Variants in PYGB observed in about 807,000 individuals in gnomAD.
The protein encoded by PYGB is glycogen phosphorylase B, also known as glycogen phosphorylase, brain form.
In PYGB, 82 loss-of-function variants were observed where a neutral mutation model predicts 94.3. That is an observed-to-expected ratio of 0.87 (90% CI 0.73 to 1.04). The LOEUF (loss-of-function observed/expected upper bound fraction) is 1.04. Ranked by LOEUF, PYGB falls within the 50% of genes least tolerant of loss-of-function variation. The pLI, the probability that PYGB is intolerant of heterozygous loss-of-function variation, is 0.00. For missense variants in PYGB, 1,132 were observed against 1,158.2 expected (o/e 0.98, Z 0.33); for synonymous variants, 488 against 479.1 (o/e 1.02, Z -0.24).
intron 1 of PYGB, among the ~76,000 whole-genome samples, chr20:25,257,826 A>G (rs866108867): frequency 6.6e-6 from 1 of 152,204 alleles, no homozygotes. Context: ...GCACTGGTTA[A>G]TAAACCCTGC....
chr20:25,254,766 C>T (rs1378310213), intron 1 of PYGB, among the ~76,000 whole-genome samples: 5 of 152,176 alleles, frequency 3.3e-5, no homozygotes, highest in African/African-American at 4.8e-5. Context: ...AGGCTCCCAT[C>T]GCTTTCTGGC....
intron 2 of PYGB, among the ~76,000 whole-genome samples, chr20:25,268,157 A>ACACCCCC (rs1568687505): frequency 3.5e-5 from 1 of 28,330 alleles, no homozygotes; most frequent in African/African-American, 1.6e-4. Flanking sequence ...AAATCCTAGC[A>ACACCCCC]CCCGCCCCCC....
Position 25,294,189 on chromosome 20 carries a change from C to A in PYGB, c.2209C>A (p.Pro737Thr), listed in dbSNP as rs748938112. ...YNAREYYDHL[P>T]ELKQAVDQIS... is the part of the protein sequence containing the mutation. The stretch of plus-strand genomic sequence containing the variant: ...TGCCAGGGAGTACTACGACCACCTG[C>A]CCGAGCTGAAGCAGGCCGTGGACCA... The change falls in exon 18 of 20, where the codon CCC becomes ACC. Residue 737 changes from proline to threonine, a missense_variant. By Grantham distance (38) the Pro-to-Thr change is conservative (BLOSUM62 -1). Coordinates refer to ENST00000216962, the MANE Select transcript of PYGB (RefSeq NM_002862.4). 1 of 1,613,956 alleles carries A rather than the reference C, an allele frequency of 6.2e-7. No homozygotes were observed. The highest frequency in any genetic ancestry group is 1.1e-5 in the South Asian group (1 of 91,090).
chr20:25,279,348 G>T (rs929670639), intron 9 of PYGB, among the ~76,000 whole-genome samples, 199 bp downstream of exon 9: 3 of 152,080 alleles, frequency 2.0e-5, no homozygotes, highest in African/African-American at 7.2e-5. Context: ...TGGGGTCAGG[G>T]CGCGGGGGAG....
chr20:25,273,995 G>A (rs1315419841), intron 4 of PYGB, among the ~76,000 whole-genome samples: 2 of 152,196 alleles, frequency 1.3e-5, no homozygotes, highest in Non-Finnish European at 2.9e-5. Flanking sequence ...CTGTAGGCGT[G>A]AGCCTCCGCC....
chr20:25,295,600 C>G lies in PYGB; in HGVS notation c.2313-4C>G. On this transcript the variant is annotated splice_polypyrimidine_tract_variant and splice_region_variant and intron_variant, in intron 18 of 19. Transcript: ENST00000216962. ...CTGGCCCAGCCTCCTTTCTCCCATT[C>G]CAGGTTCAAGGTGTTTGCAGACTAT... 6.2e-7 allele frequency: 1 copy of G among 1,613,626 alleles called. No homozygotes were observed. The highest frequency in any genetic ancestry group is 8.5e-7 in the Non-Finnish European group (1 of 1,179,694).
At chr20:25,265,063 T>C (rs1193862808) in intron 2 of PYGB, among the ~76,000 whole-genome samples, 3 of 152,232 alleles carry the variant, frequency 2.0e-5, no homozygotes, top group Non-Finnish European at 4.4e-5. Flanking sequence ...AGCATGGTAC[T>C]GGTACCAAAA....
intron 1 of PYGB, among the ~76,000 whole-genome samples, chr20:25,257,963 C>T (rs2092905904): frequency 6.6e-6 from 1 of 152,178 alleles, no homozygotes; most frequent in African/African-American, 2.4e-5. Context: ...CACAAGAGGC[C>T]TGACTGTGAG....
intron 15 of PYGB, 182 bp downstream of exon 15, chr20:25,288,665 A>G: frequency 1.5e-6 from 1 of 689,090 alleles, no homozygotes; most frequent in Non-Finnish European, 2.4e-6. Flanking sequence ...ATGGGATGGA[A>G]GCCTCCTGCC....
chr20:25,253,318 C>G (rs977697268), intron 1 of PYGB, among the ~76,000 whole-genome samples: 3 of 152,204 alleles, frequency 2.0e-5, no homozygotes, highest in African/African-American at 7.2e-5. Flanking sequence ...TGTTCTGTGT[C>G]TCTGGAGAAC....
At chr20:25,280,466 GCCC>G in intron 10 of PYGB, 54 bp downstream of exon 10, 1 of 1,586,846 alleles carries the variant, frequency 6.3e-7, no homozygotes, top group East Asian at 2.2e-5. Context: ...CATGCCAACG[GCCC>G]CCCACCTGGC....
intron 4 of PYGB, among the ~76,000 whole-genome samples, chr20:25,272,962 C>T (rs932399739): frequency 2.0e-5 from 3 of 152,216 alleles, no homozygotes; most frequent in Non-Finnish European, 4.4e-5. Flanking sequence ...TGGTGGTCCT[C>T]GTTCCTGTAA....
intron 9 of PYGB, among the ~76,000 whole-genome samples, 196 bp from the exon 10 acceptor site, chr20:25,280,070 G>A (rs1350958417): frequency 6.6e-6 from 1 of 152,266 alleles, no homozygotes; most frequent in Admixed American, 6.5e-5. Flanking sequence ...GGTTGCGTCA[G>A]CAGAGTGAGG....
intron 1 of PYGB, among the ~76,000 whole-genome samples, chr20:25,256,341 T>C (rs2092902499): frequency 1.3e-5 from 2 of 152,078 alleles, no homozygotes; most frequent in South Asian, 4.2e-4. Context: ...TATGTTTTTC[T>C]ATTATTTGCC....
intron 16 of PYGB, among the ~76,000 whole-genome samples, chr20:25,290,963 T>A (rs887889359): frequency 6.6e-6 from 1 of 150,640 alleles, no homozygotes; most frequent in Non-Finnish European, 1.5e-5. Flanking sequence ...GCCCCTCTGC[T>A]GGCAGGACCT....
intron 14 of PYGB, among the ~76,000 whole-genome samples, chr20:25,286,369 T>A (rs1011759076): frequency 4.6e-5 from 7 of 152,138 alleles, no homozygotes; most frequent in Admixed American, 3.9e-4. Context: ...CCGGCTGCAC[T>A]CTCCTCCCGT....
intron 1 of PYGB, among the ~76,000 whole-genome samples, chr20:25,257,407 C>T (rs1267689192): frequency 6.6e-6 from 1 of 152,242 alleles, no homozygotes; most frequent in Non-Finnish European, 1.5e-5. Context: ...CTTCCCGTGT[C>T]AGTCCTGTCC....
At chr20:25,260,472 T>G (rs1229655083) in intron 2 of PYGB, among the ~76,000 whole-genome samples, 1 of 152,260 alleles carries the variant, frequency 6.6e-6, no homozygotes, top group Non-Finnish European at 1.5e-5. Flanking sequence ...CGGGCAAGCA[T>G]GTATCCTTTT....
chr20:25,286,128 T>C (rs1281588046), intron 14 of PYGB, among the ~76,000 whole-genome samples: 1 of 152,246 alleles, frequency 6.6e-6, no homozygotes, highest in African/African-American at 2.4e-5. Context: ...TGTCTTGGTG[T>C]TGGCCGTTAC....
Sources: gnomAD v4.1 joint callset for allele counts (sites outside exome capture counted in the v4.1 genomes callset) on GRCh38, gnomAD v4.1.1 for gene constraint, MANE v1.5 for transcripts, NCBI Gene and HGNC (gene_info 2026-07-23, HGNC 2026-07-21) for gene names.